The following CNBD1 variants were observed in gnomAD, a reference collection of about 807,000 sequenced individuals.
CNBD1 encodes cyclic nucleotide binding domain containing 1.
Under a neutral mutation model 54.4 loss-of-function variants are expected in CNBD1, and 71 were observed. That is an observed-to-expected ratio of 1.30 (90% confidence interval 1.08 to 1.59). The LOEUF (loss-of-function observed/expected upper bound fraction) is 1.59. CNBD1 is among the 40% of genes most tolerant of loss of function. CNBD1 has a pLI of 0.00. For missense variants in CNBD1, 659 were observed against 518.0 expected (o/e 1.27, Z -2.64); for synonymous variants, 182 against 170.7 (o/e 1.07, Z -0.51).
chr8:86,955,468 A>G (rs1038548846), intron 4 of CNBD1, among the ~76,000 whole-genome samples: 1 of 152,108 alleles, frequency 6.6e-6, no homozygotes, highest in African/African-American at 2.4e-5. Flanking sequence ...AAGTGTTCCT[A>G]TTTCTCCACA....
intron 4 of CNBD1, among the ~76,000 whole-genome samples, chr8:86,964,043 G>A (rs1051862098): frequency 2.6e-5 from 4 of 151,990 alleles, no homozygotes; most frequent in Non-Finnish European, 5.9e-5. Flanking sequence ...CCCTCTCTTG[G>A]GCCTCCCAAT....
intron 2 of CNBD1, among the ~76,000 whole-genome samples, chr8:87,389,399 A>C (rs1285348412): frequency 6.6e-6 from 1 of 152,238 alleles, no homozygotes; most frequent in African/African-American, 2.4e-5. Flanking sequence ...CAACTTCAGG[A>C]AAGTCTCAGG....
chr8:87,007,435 T>G (rs1471318892), intron 4 of CNBD1, among the ~76,000 whole-genome samples: 1 of 152,166 alleles, frequency 6.6e-6, no homozygotes, highest in Non-Finnish European at 1.5e-5. Flanking sequence ...TGGTTTATAT[T>G]TTATCTTTCA....
At chr8:87,411,152 C>A (rs576611048) in intron 2 of CNBD1, among the ~76,000 whole-genome samples, 13 of 151,668 alleles carry the variant, frequency 8.6e-5, no homozygotes, top group Non-Finnish European at 1.8e-4. Flanking sequence ...TTTCATATTT[C>A]ATTTCATTAT....
intron 4 of CNBD1, among the ~76,000 whole-genome samples, chr8:87,198,148 A>G (rs1370155673): frequency 1.3e-5 from 2 of 152,254 alleles, no homozygotes; most frequent in African/African-American, 2.4e-5. Context: ...GAAAAGCAGA[A>G]CATTTTTATA....
intron 8 of CNBD1, among the ~76,000 whole-genome samples, chr8:87,314,613 T>A (rs1563548481): frequency 6.6e-6 from 1 of 151,878 alleles, no homozygotes; most frequent in African/African-American, 2.4e-5. Flanking sequence ...AGTATTATTA[T>A]TTTTTCTCAT....
At chr8:87,052,908 G>A (rs1022194639) in intron 4 of CNBD1, among the ~76,000 whole-genome samples, 51 of 151,980 alleles carry the variant, frequency 3.4e-4, no homozygotes, top group African/African-American at 1.1e-3. Context: ...AACCATAGTG[G>A]CATCATATCC....
chr8:87,291,111 T>C (rs187521897), intron 8 of CNBD1, among the ~76,000 whole-genome samples: 1 of 152,202 alleles, frequency 6.6e-6, no homozygotes, highest in Non-Finnish European at 1.5e-5. Context: ...TCATTGTTAT[T>C]CAGGTAAAAT....
At chr8:87,208,842 A>C (rs1814032664) in intron 5 of CNBD1, among the ~76,000 whole-genome samples, 1 of 150,824 alleles carries the variant, frequency 6.6e-6, no homozygotes, top group African/African-American at 2.4e-5. Context: ...TATCTCAAAA[A>C]CTCCGTAATT....
At chr8:86,915,034 A>G (rs1231210292) in intron 3 of CNBD1, among the ~76,000 whole-genome samples, 1 of 152,204 alleles carries the variant, frequency 6.6e-6, no homozygotes, top group East Asian at 1.9e-4. Context: ...ACAGGGAACC[A>G]CAGTTGTATT....
intron 4 of CNBD1, among the ~76,000 whole-genome samples, chr8:87,058,398 G>T (rs573150645): frequency 6.6e-6 from 1 of 152,208 alleles, no homozygotes; most frequent in African/African-American, 2.4e-5. Flanking sequence ...CCACTAGGCA[G>T]TGTTCCAGTT....
chr8:87,181,966 C>G (rs1001964256), intron 4 of CNBD1, among the ~76,000 whole-genome samples: 1 of 151,996 alleles, frequency 6.6e-6, no homozygotes, highest in Non-Finnish European at 1.5e-5. Flanking sequence ...GTGTTACTAG[C>G]GTTTGTTGTA....
chr8:87,019,770 C>T (rs1225959056), intron 4 of CNBD1, among the ~76,000 whole-genome samples: 2 of 151,974 alleles, frequency 1.3e-5, no homozygotes, highest in Non-Finnish European at 2.9e-5. Context: ...CCCAGCTACT[C>T]GGGAAGCTGA....
At chr8:86,925,263 G>A (rs187840664) in intron 3 of CNBD1, among the ~76,000 whole-genome samples, 20 of 152,226 alleles carry the variant, frequency 1.3e-4, no homozygotes, top group Middle Eastern at 3.4e-3. Flanking sequence ...TATTTCCCTC[G>A]TTTGGTACTA....
intron 2 of CNBD1, among the ~76,000 whole-genome samples, chr8:87,399,773 A>C (rs888356643): frequency 6.6e-6 from 1 of 151,978 alleles, no homozygotes; most frequent in Non-Finnish European, 1.5e-5. Context: ...TAGGATAGTT[A>C]TGGTGCTTGG....
At chr8:87,025,743 T>A (rs970630891) in intron 4 of CNBD1, among the ~76,000 whole-genome samples, 4 of 152,182 alleles carry the variant, frequency 2.6e-5, no homozygotes, top group African/African-American at 9.7e-5. Flanking sequence ...ATCTGCGGCT[T>A]CACTCCTGAG....
chr8:86,941,191 G>C (rs1314296777), intron 4 of CNBD1, among the ~76,000 whole-genome samples: 1 of 152,054 alleles, frequency 6.6e-6, no homozygotes. Context: ...TCACTTTTTA[G>C]TAAAGCAGGT....
chr8:87,050,831 C>T (rs1020592377), intron 4 of CNBD1, among the ~76,000 whole-genome samples: 1 of 152,100 alleles, frequency 6.6e-6, no homozygotes, highest in African/African-American at 2.4e-5. Flanking sequence ...TGTTGCAGGG[C>T]CTAAGGAGGC....
intron 6 of CNBD1, among the ~76,000 whole-genome samples, chr8:87,277,061 A>G (rs1739171142): frequency 1.4e-5 from 2 of 145,732 alleles, no homozygotes; most frequent in South Asian, 2.2e-4. Flanking sequence ...CTGAATCATG[A>G]TGGGTCATTT....
Sources: allele counts gnomAD v4.1 joint callset (sites outside exome capture counted in the v4.1 genomes callset), GRCh38; gene constraint gnomAD v4.1.1; transcripts MANE v1.5; gene names NCBI Gene and HGNC (gene_info 2026-07-23, HGNC 2026-07-21).